Variants in SHC3 observed in about 807,000 individuals in gnomAD.
The protein encoded by SHC3 is SHC adaptor protein 3, also known as SHC-transforming protein 3.
In SHC3, 15 loss-of-function variants were observed where a neutral mutation model predicts 60.4. The ratio of observed to expected loss-of-function variants is 0.25; its 90% CI spans 0.17 to 0.38. SHC3 has a LOEUF of 0.38. Ranked by LOEUF, SHC3 falls within the 10% of genes least tolerant of loss-of-function variation. SHC3 has a pLI of 1.00. For missense variants in SHC3, 677 were observed against 786.1 expected, an observed-to-expected ratio of 0.86 and a Z score of 1.66; for synonymous variants, 294 against 325.9, an observed-to-expected ratio of 0.90 and a Z score of 1.05.
At chr9:89,071,317 A>G (rs1034592190) in intron 4 of SHC3, 65 bp from the exon 5 acceptor site, 175 of 1,546,284 alleles carry the variant, frequency 1.1e-4, no homozygotes, top group Non-Finnish European at 1.5e-4. Context: ...TGGAAAAGCA[A>G]CTGTTTGTTG....
chr9:89,041,969 G>T, intron 10 of SHC3, 57 bp downstream of exon 10: 1 of 1,600,360 alleles, frequency 6.2e-7, no homozygotes, highest in Non-Finnish European at 8.5e-7. Context: ...TCAAATAAAA[G>T]GCAGGATAAA....
At chr9:89,145,520 G>A (rs901527951) in intron 1 of SHC3, among the ~76,000 whole-genome samples, 3 of 152,146 alleles carry the variant, frequency 2.0e-5, no homozygotes, top group South Asian at 2.1e-4. Flanking sequence ...TGGACAAAAC[G>A]ATAAGATGAG....
intron 11 of SHC3, among the ~76,000 whole-genome samples, chr9:89,016,109 C>G (rs1419495776): frequency 2.6e-5 from 4 of 151,706 alleles, no homozygotes; most frequent in Admixed American, 1.3e-4. Context: ...ATTGATAAAC[C>G]TCTAGCCAGG....
At chr9:89,115,662 T>C (rs535986684) in intron 1 of SHC3, among the ~76,000 whole-genome samples, 1 of 152,274 alleles carries the variant, frequency 6.6e-6, no homozygotes, top group East Asian at 1.9e-4. Context: ...ATGCACATCA[T>C]GATGAACTGC....
In SHC3 at chr9:89,013,326, T is replaced by C. The variant is rs1826038304; in HGVS notation, c.*121A>G. The C allele has an allele frequency of 3.2e-6, 4 of 1,253,706 alleles. No individual in the cohort carries two copies. The highest frequency in any genetic ancestry group is 4.2e-6 in the Non-Finnish European group (4 of 959,698). 77.7% of individuals were successfully genotyped at this position (1,253,706 alleles called of 1,614,324 possible). A position where few individuals can be genotyped will look rare whatever the true frequency, so the allele number is the denominator to read the frequency against. On this transcript the variant is annotated 3_prime_UTR_variant, in exon 12 of 12. Transcript: ENST00000375835. ...CTTGACCTTAAAGGAAGCCTTCCTT[T>C]TGAAGCTTTTGAAGAAGGCTCTGAG...
At chr9:89,165,484 C>T (rs1826773268) in intron 1 of SHC3, among the ~76,000 whole-genome samples, 1 of 119,228 alleles carries the variant, frequency 8.4e-6, no homozygotes, top group South Asian at 2.7e-4. Flanking sequence ...TTTCCCAAAG[C>T]AATTTTCTGG....
At chr9:89,119,755 C>A (rs570336839) in intron 1 of SHC3, among the ~76,000 whole-genome samples, 1 of 152,232 alleles carries the variant, frequency 6.6e-6, no homozygotes, top group South Asian at 2.1e-4. Flanking sequence ...CAGCACTTTT[C>A]CCCCAGAACA....
intron 5 of SHC3, among the ~76,000 whole-genome samples, chr9:89,069,974 C>T (rs1286091930): frequency 6.6e-6 from 1 of 152,174 alleles, no homozygotes; most frequent in Non-Finnish European, 1.5e-5. Context: ...GGGAAAAGTT[C>T]CTACTTGTGC....
chr9:89,178,537 C>T lies in SHC3; in HGVS notation c.-77G>A. ...GGCGCGGGCTGCCGCGCATAGCAGG[C>T]GAGCCACTGTCCCCGGAGCGGGACG... is the stretch of plus-strand genomic sequence containing the variant. On this transcript the variant is annotated 5_prime_UTR_variant, in exon 1 of 12. Transcript: ENST00000375835. The surrounding 1 kb of genome is among the most constrained non-coding windows in gnomAD (Gnocchi z 6.9). 7.6e-7 allele frequency: 1 copy of T among 1,307,228 alleles called. No individual in the cohort carries two copies. Among genetic ancestry groups the T allele is most frequent in the Non-Finnish European group, 1.0e-6 (1 of 1,003,356 alleles). 81.0% of individuals were successfully genotyped at this position (1,307,228 alleles called of 1,614,324 possible). A position where few individuals can be genotyped will look rare whatever the true frequency, so the allele number is the denominator to read the frequency against.
chr9:89,166,169 C>T (rs1008737759), intron 1 of SHC3, among the ~76,000 whole-genome samples: 1 of 152,086 alleles, frequency 6.6e-6, no homozygotes, highest in African/African-American at 2.4e-5. Context: ...CCAGATAATC[C>T]CACCCATTAT....
At chr9:89,078,175 CTTTT>C (rs879883731) in intron 2 of SHC3, among the ~76,000 whole-genome samples, 3 of 144,418 alleles carry the variant, frequency 2.1e-5, no homozygotes, top group Non-Finnish European at 4.6e-5. Context: ...CAATGCTACA[CTTTT>C]TTTTTTTTTT....
intron 1 of SHC3, among the ~76,000 whole-genome samples, chr9:89,137,188 T>C (rs544510846): frequency 6.6e-6 from 1 of 152,272 alleles, no homozygotes; most frequent in East Asian, 1.9e-4. Context: ...ACATGAAATT[T>C]AGTGGGGGGA....
intron 1 of SHC3, among the ~76,000 whole-genome samples, chr9:89,161,423 A>C (rs1826704576): frequency 6.6e-6 from 1 of 152,168 alleles, no homozygotes; most frequent in Non-Finnish European, 1.5e-5. Flanking sequence ...CTTTCTGTAC[A>C]GCCTGCAGAG....
chr9:89,045,778 C>T lies in SHC3; in HGVS notation c.1169G>A (p.Gly390Asp). 1 of 1,614,154 alleles carries T rather than the reference C, an allele frequency of 6.2e-7. No homozygotes were observed. The highest frequency in any genetic ancestry group is 1.1e-5 in the South Asian group (1 of 91,076). ...TAAAGGTGTTTGCTGCCAGTCTTCGCCAAAAGTGTCTCCTAAGTGTCTTCC... is the reference window on the plus strand; with the variant it reads ...TAAAGGTGTTTGCTGCCAGTCTTCGTCAAAAGTGTCTCCTAAGTGTCTTCC... ...YQGRHLGDTFGEDWQQTPLRQ... is the reference protein window; with the variant it reads ...YQGRHLGDTFDEDWQQTPLRQ... Residue 390 changes from glycine to aspartate, a missense_variant, in exon 9 of 12, where the codon GGC becomes GAC. Physicochemically the swap from Gly to Asp is moderately conservative, Grantham distance 94. Coordinates refer to ENST00000375835, the MANE Select transcript of SHC3 (RefSeq NM_016848.6).
chr9:89,103,423 G>A (rs1005618619), intron 2 of SHC3, among the ~76,000 whole-genome samples: 1 of 152,184 alleles, frequency 6.6e-6, no homozygotes, highest in Non-Finnish European at 1.5e-5. Flanking sequence ...AGGGGAGAAT[G>A]GGTGAAGTTA....
chr9:89,084,037 GTCAGAAAT>G (rs1825488518), intron 2 of SHC3, among the ~76,000 whole-genome samples: 1 of 152,188 alleles, frequency 6.6e-6, no homozygotes, highest in East Asian at 1.9e-4. Context: ...GAAACTGAGA[GTCAGAAAT>G]CATAGGCATC....
intron 2 of SHC3, among the ~76,000 whole-genome samples, chr9:89,108,586 A>G (rs1825900395): frequency 6.6e-6 from 1 of 152,042 alleles, no homozygotes; most frequent in African/African-American, 2.4e-5. Flanking sequence ...CCTATCCCTG[A>G]TGCATGACTG....
chr9:89,060,353 A>T (rs1055406268), intron 6 of SHC3, among the ~76,000 whole-genome samples: 14 of 151,540 alleles, frequency 9.2e-5, no homozygotes, highest in Non-Finnish European at 1.9e-4. Flanking sequence ...ATGGTAGAGG[A>T]CGTGGTGGAG....
chr9:89,156,033 C>A (rs141698255), intron 1 of SHC3, among the ~76,000 whole-genome samples: 2 of 152,234 alleles, frequency 1.3e-5, no homozygotes, highest in Non-Finnish European at 2.9e-5. Flanking sequence ...CATTTGTGCC[C>A]TTATAGAGTG....
Sources: gnomAD v4.1 joint callset for allele counts (sites outside exome capture counted in the v4.1 genomes callset) on GRCh38, gnomAD v4.1.1 for gene constraint, Gnocchi (gnomAD v3.1) non-coding constraint, MANE v1.5 for transcripts, NCBI Gene and HGNC (gene_info 2026-07-23, HGNC 2026-07-21) for gene names.